Variants in PTPN13 observed in about 807,000 individuals in gnomAD.
PTPN13 encodes the protein tyrosine-protein phosphatase non-receptor type 13.
Under a neutral mutation model 284.0 loss-of-function variants are expected in PTPN13, and 191 were observed. The observed-to-expected ratio is 0.67, with a 90% CI of 0.60 to 0.76. The LOEUF (loss-of-function observed/expected upper bound fraction) is 0.76. Among genes scored for constraint, PTPN13 ranks in the 30% least tolerant of loss-of-function variants. The probability of loss-of-function intolerance (pLI) is 0.00; values close to 1 mark genes in which losing one functional copy is unlikely to be tolerated. For synonymous variants in PTPN13, 986 were observed against 1,022.3 expected (o/e 0.96, Z 0.68); for missense variants, 2,797 against 2,939.9 (o/e 0.95, Z 1.12).
chr4:86,750,946 CTTTT>C (rs1181204658), intron 18 of PTPN13, 59 bp downstream of exon 18: 1 of 1,571,746 alleles, frequency 6.4e-7, no homozygotes, highest in African/African-American at 1.4e-5. Flanking sequence ...TCATACGTTT[CTTTT>C]TGTTATGACA....
At chr4:86,783,759 T>A (rs1196108207) in intron 37 of PTPN13, among the ~76,000 whole-genome samples, 1 of 152,090 alleles carries the variant, frequency 6.6e-6, no homozygotes, top group African/African-American at 2.4e-5. Flanking sequence ...ATAAAATTAT[T>A]TTAATTTATT....
rs1327080659 is a variant in PTPN13, at chr4:86,775,520, C to A, written c.5759C>A (p.Ala1920Asp). The A allele has an allele frequency of 4.5e-5, 73 of 1,612,588 alleles. No homozygotes were observed. The highest frequency in any genetic ancestry group is 6.2e-5 in the Non-Finnish European group (73 of 1,178,912). The part of the protein sequence containing the change: ...ISDINPRSVA[A>D]IEGNLQLLDV... ...GATATTAATCCAAGGTCCGTCGCAGCCATTGAGGGTAATCTCCAGCTATTA... is the reference window on the plus strand; with the variant it reads ...GATATTAATCCAAGGTCCGTCGCAGACATTGAGGGTAATCTCCAGCTATTA... Residue 1920 changes from alanine to aspartate, a missense_variant, in exon 35 of 48, where the codon GCC becomes GAC. Coordinates refer to ENST00000411767, the MANE Select transcript of PTPN13 (RefSeq NM_080683.3).
Position 86,728,862 on chromosome 4 carries a change from G to A in PTPN13, c.1609-3538G>A, listed in dbSNP as rs1379960572. On this transcript the variant is annotated intron_variant, in intron 10 of 47. Transcript: ENST00000411767. ...TTACATTTAAGGTTAACATTGTTAT[G>A]TGTGAATTTGATCCTGTCATTATGA... Among the ~76,000 whole-genome samples, 2 of 147,290 alleles carry A rather than the reference G, an allele frequency of 1.4e-5. 1 individual carries two copies. Among genetic ancestry groups the A allele is most frequent in the Non-Finnish European group, 3.0e-5 (2 of 65,854 alleles).
At chr4:86,641,093 A>G (rs182041040) in intron 2 of PTPN13, among the ~76,000 whole-genome samples, 19 of 152,328 alleles carry the variant, frequency 1.2e-4, no homozygotes, top group Non-Finnish European at 2.2e-4. Flanking sequence ...ATAACACAAT[A>G]TCTTTTTTGT....
chr4:86,786,231 G>A (rs1741898939), intron 40 of PTPN13, among the ~76,000 whole-genome samples: 1 of 151,806 alleles, frequency 6.6e-6, no homozygotes, highest in African/African-American at 2.4e-5. Flanking sequence ...GGATCTTCTG[G>A]GATATTAGGC....
At chr4:86,796,094 G>T (rs1374172880) in intron 40 of PTPN13, among the ~76,000 whole-genome samples, 1 of 152,114 alleles carries the variant, frequency 6.6e-6, no homozygotes, top group Non-Finnish European at 1.5e-5. Context: ...TGCTCCTGCT[G>T]CAGTATTTGA....
chr4:86,673,065 G>T (rs188863528), intron 3 of PTPN13, among the ~76,000 whole-genome samples: 11 of 152,314 alleles, frequency 7.2e-5, no homozygotes, highest in Non-Finnish European at 1.2e-4. Flanking sequence ...ATTCCTATGA[G>T]AATCTAATGC....
intron 20 of PTPN13, among the ~76,000 whole-genome samples, chr4:86,756,758 T>C (rs1738018612): frequency 6.6e-6 from 1 of 152,176 alleles, no homozygotes; most frequent in Non-Finnish European, 1.5e-5. Context: ...TTACTATTTG[T>C]TTTGTGACAT....
At chr4:86,784,339 C>T in intron 37 of PTPN13, 126 bp from the exon 38 acceptor site, 1 of 618,650 alleles carries the variant, frequency 1.6e-6, no homozygotes, top group Non-Finnish European at 2.8e-6. Context: ...AAACACTGAT[C>T]TAAGGTGGAG....
chr4:86,601,069 G>T (rs1764257427), intron 1 of PTPN13, among the ~76,000 whole-genome samples: 1 of 152,002 alleles, frequency 6.6e-6, no homozygotes, highest in Admixed American at 6.5e-5. Flanking sequence ...CCTGGTTCAA[G>T]GAATGAGCTT....
chr4:86,795,438 G>A (rs1216248611), intron 40 of PTPN13, among the ~76,000 whole-genome samples: 1 of 152,172 alleles, frequency 6.6e-6, no homozygotes, highest in Non-Finnish European at 1.5e-5. Context: ...TACACTGTTG[G>A]TGGGAGTGTA....
chr4:86,698,700 A>G (rs577410233), intron 6 of PTPN13, among the ~76,000 whole-genome samples: 1 of 152,312 alleles, frequency 6.6e-6, no homozygotes, highest in South Asian at 2.1e-4. Flanking sequence ...TAAAATATGT[A>G]TACCAAAATG....
intron 1 of PTPN13, among the ~76,000 whole-genome samples, chr4:86,602,798 C>T (rs549869852): frequency 2.1e-3 from 319 of 152,040 alleles, no homozygotes; most frequent in African/African-American, 7.4e-3. Context: ...TCAACTGATC[C>T]TCCTACTTCA....
At chr4:86,798,839 C>T (rs1472447723) in intron 41 of PTPN13, among the ~76,000 whole-genome samples, 3 of 152,168 alleles carry the variant, frequency 2.0e-5, no homozygotes, top group Non-Finnish European at 4.4e-5. Flanking sequence ...ATAAAACCAC[C>T]ACCTTCTCCA....
chr4:86,750,966 T>G (rs1410853213), intron 18 of PTPN13, 61 bp from the exon 19 acceptor site: 1 of 1,560,608 alleles, frequency 6.4e-7, no homozygotes, highest in East Asian at 2.3e-5. Flanking sequence ...TGACATTTTA[T>G]TATTTTCACC....
intron 47 of PTPN13, among the ~76,000 whole-genome samples, chr4:86,813,310 A>G (rs1002572204): frequency 6.6e-6 from 1 of 152,186 alleles, no homozygotes; most frequent in Admixed American, 6.5e-5. Flanking sequence ...TGCAGACTCA[A>G]TTCCTTGCCA....
chr4:86,762,897 G>A lies in PTPN13; in HGVS notation c.3724G>A (p.Gly1242Arg), dbSNP rs369478244. 5 of 1,613,820 alleles carry A rather than the reference G, an allele frequency of 3.1e-6. No homozygotes were observed. The highest frequency in any genetic ancestry group is 4.2e-6 in the Non-Finnish European group (5 of 1,179,878). ...SFGPSGGLRE[G>R]SLSSQDSRTE... is the part of the protein sequence containing the mutation. ...TGGGCCATCTGGGGGCCTGCGGGAAGGAAGCCTGAGTTCTCAAGATTCCAG... is the reference window on the plus strand; with the variant it reads ...TGGGCCATCTGGGGGCCTGCGGGAAAGAAGCCTGAGTTCTCAAGATTCCAG... Residue 1242 changes from glycine (G) to arginine (R), a missense_variant, in exon 24 of 48, where the codon GGA becomes AGA. By Grantham distance (125) the Gly-to-Arg change is moderately radical. Transcript: ENST00000411767.
rs752418670 is a variant in PTPN13 at position 86,759,021 on chromosome 4, A to C, written c.3501A>C (p.Ala1167=). 4.3e-6 allele frequency: 7 copies of C among 1,613,608 alleles called. No homozygotes were observed. In the East Asian group the frequency reaches 1.3e-4, roughly 31 times the overall value. ...HHAAIEILQN[A]PEDVTLVISQ... The stretch of plus-strand genomic sequence containing the variant: ...CTGCAATTGAAATTTTGCAAAATGC[A>C]CCTGAAGATGTGACACTTGTTATCT... The change falls in exon 23 of 48, where the codon GCA becomes GCC. Residue 1167 remains alanine, a synonymous_variant. Transcript: ENST00000411767.
intron 2 of PTPN13, among the ~76,000 whole-genome samples, chr4:86,651,684 G>A (rs1006276682): frequency 6.6e-6 from 1 of 151,868 alleles, no homozygotes; most frequent in African/African-American, 2.4e-5. Flanking sequence ...ATTGTTATTT[G>A]GATTTCTTCA....
Sources: gnomAD v4.1 joint callset for allele counts (sites outside exome capture counted in the v4.1 genomes callset) on GRCh38, gnomAD v4.1.1 for gene constraint, MANE v1.5 for transcripts, NCBI Gene and HGNC (gene_info 2026-07-23, HGNC 2026-07-21) for gene names.